The following CNTNAP4 variants were observed in gnomAD, a reference collection of about 807,000 sequenced individuals.
CNTNAP4 encodes the protein contactin-associated protein-like 4.
Under a neutral mutation model 148.4 loss-of-function variants are expected in CNTNAP4, and 98 were observed. That is an observed-to-expected ratio of 0.66 (90% CI 0.56 to 0.78). The LOEUF is 0.78. Ranked by LOEUF, CNTNAP4 falls within the 30% of genes least tolerant of loss-of-function variation. CNTNAP4 has a pLI of 0.00. For missense variants in CNTNAP4, 1,935 were observed against 1,565.6 expected (o/e 1.24, Z -3.98); for synonymous variants, 730 against 565.1 (o/e 1.29, Z -4.14).
rs1958529483 is a variant in CNTNAP4 at position 76,277,692 on chromosome 16, G to C, written c.30G>C (p.Lys10Asn). The change falls in exon 1 of 24, where the codon AAG (lysine) becomes AAC (asparagine). Residue 10 changes from lysine to asparagine, a missense_variant. Lys to Asn is a moderately conservative substitution (Grantham distance 94). Coordinates refer to ENST00000611870, the MANE Select transcript of CNTNAP4 (RefSeq NM_033401.5). ...GATCTGTCACGGGAGCTGTCCTCAAGACGCTACTTCTGTTATCTACTCAAA... is the reference window on the plus strand; with the variant it reads ...GATCTGTCACGGGAGCTGTCCTCAACACGCTACTTCTGTTATCTACTCAAA... Reference protein sequence around the residue: MGSVTGAVLKTLLLLSTQNW... With the variant: MGSVTGAVLNTLLLLSTQNW... 1 of 1,606,068 alleles carries C rather than the reference G, an allele frequency of 6.2e-7. No homozygotes were observed. Among genetic ancestry groups the C allele is most frequent in the African/African-American group, 1.3e-5 (1 of 74,842 alleles).
Position 76,558,726 on chromosome 16 carries a change from A to T in CNTNAP4, c.*43A>T. 2 of 1,460,978 alleles carry T rather than the reference A, an allele frequency of 1.4e-6. No homozygotes were observed. Among genetic ancestry groups the T allele is most frequent in the Non-Finnish European group, 9.4e-7 (1 of 1,068,204 alleles). The allele number at this position is 1,460,978 out of a possible 1,614,324, so 90.5% of individuals were successfully genotyped here. ...ACATAAAATTATGATAGTTTGTTTT[A>T]ATAGCCAGGGGTTCTCAATGGAAAA... On this transcript the variant is annotated 3_prime_UTR_variant, in exon 24 of 24. Transcript: ENST00000611870.
At chr16:76,354,523 G>A (rs897787117) in intron 2 of CNTNAP4, among the ~76,000 whole-genome samples, 4 of 152,172 alleles carry the variant, frequency 2.6e-5, no homozygotes, top group East Asian at 1.9e-4. Flanking sequence ...AGAAACAGTG[G>A]TGTGTTGGTA....
Position 76,535,744 on chromosome 16 carries a change from C to A in CNTNAP4, c.2955C>A (p.Asp985Glu). Reference sequence around the variant, plus strand: ...AAAGACCCATTGGGTTCTTTTGTGACTGCACTTTCTCTGCATACACAGGGC... The same window carrying A: ...AAAGACCCATTGGGTTCTTTTGTGAATGCACTTTCTCTGCATACACAGGGC... ...CRERPIGFFC[D>E]CTFSAYTGPF... Residue 985 changes from aspartate to glutamate, a missense_variant, in exon 18 of 24, where the codon GAC (aspartate) becomes GAA (glutamate). Coordinates refer to ENST00000611870, the MANE Select transcript of CNTNAP4 (RefSeq NM_033401.5). 1 of 1,613,922 alleles carries A rather than the reference C, an allele frequency of 6.2e-7. No individual in the cohort carries two copies. The highest frequency in any genetic ancestry group is 8.5e-7 in the Non-Finnish European group (1 of 1,179,874).
In CNTNAP4 at chr16:76,409,474, C is replaced by T. The variant is rs753406696; in HGVS notation, c.391-17978C>T. ...AATGTTGATCAACCAATCTAAACTG[C>T]GTTGAAATAGAAACAATATGGATAT... On this transcript the variant is annotated intron_variant, in intron 3 of 23. Transcript: ENST00000611870. Among the ~76,000 whole-genome samples the T allele has an allele frequency of 4.6e-5, 7 of 151,808 alleles. No individual in the cohort carries two copies. In the East Asian group the frequency reaches 9.6e-4, roughly 21 times the overall value.
intron 1 of CNTNAP4, among the ~76,000 whole-genome samples, chr16:76,314,154 CATTG>C (rs1961449076): frequency 6.6e-6 from 1 of 152,086 alleles, no homozygotes; most frequent in Non-Finnish European, 1.5e-5. Context: ...TATGTATACA[CATTG>C]ATACATATGT....
At chr16:76,400,314 C>T (rs1055621315) in intron 3 of CNTNAP4, among the ~76,000 whole-genome samples, 1 of 152,086 alleles carries the variant, frequency 6.6e-6, no homozygotes, top group Non-Finnish European at 1.5e-5. Context: ...GTGGTGGGAA[C>T]ATTTAAAATC....
At chr16:76,390,945 G>C (rs1037687711) in intron 3 of CNTNAP4, among the ~76,000 whole-genome samples, 5 of 151,862 alleles carry the variant, frequency 3.3e-5, no homozygotes, top group African/African-American at 1.2e-4. Context: ...GCATGCAATG[G>C]GAAATAAGCA....
chr16:76,422,898 C>T (rs2079241207), intron 3 of CNTNAP4, among the ~76,000 whole-genome samples: 1 of 152,076 alleles, frequency 6.6e-6, no homozygotes, highest in African/African-American at 2.4e-5. Flanking sequence ...TTTGTGTCTC[C>T]CCAAACTTCA....
chr16:76,427,187 T>A (rs1177238102), intron 3 of CNTNAP4, among the ~76,000 whole-genome samples: 1 of 152,172 alleles, frequency 6.6e-6, no homozygotes, highest in Non-Finnish European at 1.5e-5. Flanking sequence ...ACAGAAGCAA[T>A]TTTTGTTACA....
At chr16:76,334,375 C>T (rs1878303085) in intron 2 of CNTNAP4, among the ~76,000 whole-genome samples, 1 of 152,042 alleles carries the variant, frequency 6.6e-6, no homozygotes, top group Non-Finnish European at 1.5e-5. Context: ...CACCACTTAG[C>T]CAGGCCATAT....
At chr16:76,470,497 A>ATATAT (rs398119511) in intron 10 of CNTNAP4, among the ~76,000 whole-genome samples, 4 of 137,480 alleles carry the variant, frequency 2.9e-5, no homozygotes, top group African/African-American at 1.2e-4. Flanking sequence ...ATATATATAT[A>ATATAT]AAATTAGTCG....
intron 8 of CNTNAP4, among the ~76,000 whole-genome samples, chr16:76,460,763 A>AT (rs1156882099): frequency 0.044 from 1,858 of 42,702 alleles, 193 homozygotes; most frequent in Middle Eastern, 0.1. Context: ...CAAAAAAAAA[A>AT]AAAAAAAAAA....
chr16:76,436,269 T>G (rs1443506246), intron 4 of CNTNAP4, among the ~76,000 whole-genome samples: 2 of 152,128 alleles, frequency 1.3e-5, no homozygotes, highest in South Asian at 2.1e-4. Flanking sequence ...GAAAGCTGTT[T>G]CTTCTGGCAA....
chr16:76,408,410 TAAC>T (rs1258559514), intron 3 of CNTNAP4, among the ~76,000 whole-genome samples: 1 of 148,604 alleles, frequency 6.7e-6, no homozygotes. Context: ...TATTAACAAT[TAAC>T]AACCACCACC....
chr16:76,436,795 A>G (rs372675097), intron 4 of CNTNAP4, among the ~76,000 whole-genome samples: 37 of 152,172 alleles, frequency 2.4e-4, no homozygotes, highest in African/African-American at 8.4e-4. Flanking sequence ...TGTTCTCCAT[A>G]CTATTAGAAG....
intron 1 of CNTNAP4, among the ~76,000 whole-genome samples, chr16:76,303,274 A>G (rs1285451234): frequency 6.6e-6 from 1 of 152,160 alleles, no homozygotes; most frequent in East Asian, 1.9e-4. Flanking sequence ...AAACCCATTT[A>G]TCTGCAGGAA....
intron 8 of CNTNAP4, among the ~76,000 whole-genome samples, chr16:76,459,962 C>T (rs1326637771): frequency 6.6e-6 from 1 of 152,112 alleles, no homozygotes; most frequent in Non-Finnish European, 1.5e-5. Flanking sequence ...ATAAGAATAC[C>T]TCGATTTTTG....
In CNTNAP4 at chr16:76,316,481, A is replaced by C; in HGVS notation, c.154A>C (p.Ser52Arg). Residue 52 changes from serine to arginine, a missense_variant, in exon 2 of 24, where the codon AGC becomes CGC. By Grantham distance (110) the Ser-to-Arg change is moderately radical (BLOSUM62 -1). Coordinates refer to ENST00000611870, the MANE Select transcript of CNTNAP4 (RefSeq NM_033401.5). ...ASFSSSSELS[S>R]SHGPGFARLN... ...CTTCAGCAGTTCTTCCGAGCTCTCC[A>C]GCAGTCATGGTCCTGGATTTGCAAG... 1 of 1,613,884 alleles carries C rather than the reference A, an allele frequency of 6.2e-7. No homozygotes were observed. The highest frequency in any genetic ancestry group is 8.5e-7 in the Non-Finnish European group (1 of 1,179,834).
intron 10 of CNTNAP4, among the ~76,000 whole-genome samples, chr16:76,474,613 G>A (rs533130786): frequency 4.5e-4 from 69 of 152,078 alleles, no homozygotes; most frequent in Non-Finnish European, 7.8e-4. Flanking sequence ...TTATTTAGTC[G>A]TTAATCTGTA....
Sources: allele counts gnomAD v4.1 joint callset (sites outside exome capture counted in the v4.1 genomes callset), GRCh38; gene constraint gnomAD v4.1.1; transcripts MANE v1.5; gene names NCBI Gene and HGNC (gene_info 2026-07-23, HGNC 2026-07-21).